Variants in FOCAD observed in about 807,000 individuals in gnomAD.
FOCAD encodes KIAA1797.
A neutral mutation model predicts 225.6 loss-of-function variants in FOCAD; 198 were observed. That is an observed-to-expected ratio of 0.88 (90% CI 0.78 to 0.99). FOCAD has a LOEUF of 0.99. Among genes scored for constraint, FOCAD ranks in the 50% least tolerant of loss-of-function variants. FOCAD has a pLI of 0.00. For missense variants in FOCAD, 2,713 were observed against 2,123.6 expected, an observed-to-expected ratio of 1.28 and a Z score of -5.46; for synonymous variants, 897 against 755.0, an observed-to-expected ratio of 1.19 and a Z score of -3.08.
chr9:20,713,556 T>A (rs972311179), intron 1 of FOCAD, among the ~76,000 whole-genome samples: 3 of 152,220 alleles, frequency 2.0e-5, no homozygotes, highest in Admixed American at 6.5e-5. Flanking sequence ...TAACATATTT[T>A]ATGTATTATT....
At chr9:20,679,316 T>C (rs904323614), upstream of FOCAD, among the ~76,000 whole-genome samples, 13 of 152,148 alleles carry the variant, frequency 8.5e-5, no homozygotes, top group Admixed American at 8.5e-4. Flanking sequence ...TTGCTTTCTG[T>C]GATGTGCTGA....
At chr9:20,698,221 C>G (rs1331765903) in intron 1 of FOCAD, among the ~76,000 whole-genome samples, 1 of 151,998 alleles carries the variant, frequency 6.6e-6, no homozygotes, top group African/African-American at 2.4e-5. Flanking sequence ...TTAAAAGTAG[C>G]AAAGGCGGAA....
intron 5 of FOCAD, among the ~76,000 whole-genome samples, chr9:20,753,562 CA>C (rs1587022744): frequency 6.6e-6 from 1 of 151,738 alleles, no homozygotes; most frequent in Admixed American, 6.6e-5. Context: ...TTCGGTTTGC[CA>C]GTATTTTATT....
intron 11 of FOCAD, among the ~76,000 whole-genome samples, chr9:20,801,029 GT>G (rs1274075925): frequency 2.0e-5 from 3 of 152,124 alleles, no homozygotes; most frequent in African/African-American, 4.8e-5. Context: ...GGGTTTTGGT[GT>G]GGATGTCCTT....
chr9:20,994,760 GT>G (rs1841934232), intron 43 of FOCAD, among the ~76,000 whole-genome samples: 1 of 152,116 alleles, frequency 6.6e-6, no homozygotes, highest in African/African-American at 2.4e-5. Flanking sequence ...AATAACGTTG[GT>G]TGCTCCAAAG....
intron 16 of FOCAD, 127 bp downstream of exon 16, chr9:20,862,839 G>C: frequency 9.6e-7 from 1 of 1,043,036 alleles, no homozygotes. Context: ...ATGTTGATAT[G>C]TTTATGGACT....
At chr9:20,882,457 C>T (rs188711722) in intron 20 of FOCAD, among the ~76,000 whole-genome samples, 79 of 152,280 alleles carry the variant, frequency 5.2e-4, no homozygotes, top group African/African-American at 1.6e-3. Context: ...AGGCTGAAAG[C>T]TTCTGAAAGG....
chr9:20,939,998 C>T (rs1460182325), intron 28 of FOCAD, among the ~76,000 whole-genome samples: 2 of 150,728 alleles, frequency 1.3e-5, no homozygotes, highest in African/African-American at 4.9e-5. Context: ...TGAGAACATG[C>T]GTCCAAGTGT....
chr9:20,860,763 G>A (rs550116591), intron 15 of FOCAD, among the ~76,000 whole-genome samples: 4 of 152,096 alleles, frequency 2.6e-5, no homozygotes, highest in Admixed American at 6.5e-5. Flanking sequence ...CACCCACCTC[G>A]GCCTCCCAAA....
chr9:20,878,118 T>C (rs1165601360), intron 19 of FOCAD, among the ~76,000 whole-genome samples: 1 of 133,340 alleles, frequency 7.5e-6, no homozygotes, highest in Admixed American at 8.0e-5. Context: ...TGTGGAGTCA[T>C]ATTTGTAAAA....
chr9:20,891,364 A>C (rs1260494636), intron 21 of FOCAD, among the ~76,000 whole-genome samples: 1 of 152,240 alleles, frequency 6.6e-6, no homozygotes, highest in African/African-American at 2.4e-5. Context: ...AAGATTAGCG[A>C]GGAAGGCATA....
At chr9:20,768,368 T>G (rs1202605514) in intron 7 of FOCAD, among the ~76,000 whole-genome samples, 1 of 151,936 alleles carries the variant, frequency 6.6e-6, no homozygotes, top group Non-Finnish European at 1.5e-5. Context: ...GTGAAGAAAG[T>G]CATTGGTAGC....
At chr9:20,983,127 A>C (rs1840848241) in intron 39 of FOCAD, among the ~76,000 whole-genome samples, 1 of 152,214 alleles carries the variant, frequency 6.6e-6, no homozygotes, top group East Asian at 1.9e-4. Context: ...AAGTAGCATC[A>C]GCATCGCCTT....
chr9:20,862,050 A>G (rs1027064223), intron 15 of FOCAD, among the ~76,000 whole-genome samples: 1 of 152,130 alleles, frequency 6.6e-6, no homozygotes, highest in Non-Finnish European at 1.5e-5. Context: ...TTAAATTATT[A>G]TGTTAAATAC....
chr9:20,697,612 G>C (rs1269467866), intron 1 of FOCAD, among the ~76,000 whole-genome samples: 1 of 152,188 alleles, frequency 6.6e-6, no homozygotes, highest in Non-Finnish European at 1.5e-5. Context: ...GTCACTATCA[G>C]AAAGAGCTTT....
At chr9:20,965,934 A>G (rs1463071927) in intron 35 of FOCAD, among the ~76,000 whole-genome samples, 1 of 152,068 alleles carries the variant, frequency 6.6e-6, no homozygotes, top group Non-Finnish European at 1.5e-5. Flanking sequence ...GCATCAGTTT[A>G]TGGCCGTTTG....
intron 15 of FOCAD, among the ~76,000 whole-genome samples, chr9:20,825,138 A>G (rs1463769116): frequency 7.9e-6 from 1 of 126,770 alleles, no homozygotes; most frequent in Non-Finnish European, 1.7e-5. Flanking sequence ...AAGGCTTTTC[A>G]AGCTTTGCGT....
chr9:20,671,518 T>G (rs1418061528), intron 2 of FOCAD, among the ~76,000 whole-genome samples: 1 of 152,156 alleles, frequency 6.6e-6, no homozygotes, highest in African/African-American at 2.4e-5. Context: ...AGAATATCTG[T>G]GTGTATATGG....
chr9:20,683,655 G>C (rs1822478161), upstream of FOCAD: 1 of 152,160 alleles, frequency 6.6e-6, no homozygotes, highest in Non-Finnish European at 1.5e-5. Context: ...AGAAACACTT[G>C]GGCTAGAACT....
Sources: allele counts gnomAD v4.1 joint callset (sites outside exome capture counted in the v4.1 genomes callset), GRCh38; gene constraint gnomAD v4.1.1; transcripts MANE v1.5; gene names NCBI Gene and HGNC (gene_info 2026-07-23, HGNC 2026-07-21).